The following DHX30 variants were observed in gnomAD, a reference collection of about 807,000 sequenced individuals.
DHX30 encodes the protein ATP-dependent RNA helicase DHX30.
A neutral mutation model predicts 116.9 loss-of-function variants in DHX30; 4 were observed. That is an observed-to-expected ratio of 0.03 (90% CI 0.02 to 0.08). The LOEUF (loss-of-function observed/expected upper bound fraction) is 0.08. Ranked by LOEUF, DHX30 falls within the 10% of genes least tolerant of loss-of-function variation. The pLI is 1.00. For missense variants in DHX30, 871 were observed against 1,595.1 expected (o/e 0.55, Z 7.73); for synonymous variants, 697 against 651.7 (o/e 1.07, Z -1.06).
intron 6 of DHX30, among the ~76,000 whole-genome samples, chr3:47,838,054 G>C (rs2037203970): frequency 1.3e-5 from 2 of 152,184 alleles, no homozygotes; most frequent in Non-Finnish European, 2.9e-5. Flanking sequence ...GTGCTGTCCT[G>C]CTGGGGAAGC....
At chr3:47,845,982 T>C in intron 10 of DHX30, 130 bp downstream of exon 10, 1 of 1,454,844 alleles carries the variant, frequency 6.9e-7, no homozygotes. Context: ...GGGCCTGGGA[T>C]CCCCCTGGCC....
At chr3:47,825,086 C>T (rs927455406) in intron 4 of DHX30, 100 of 670,832 alleles carry the variant, frequency 1.5e-4, no homozygotes, top group Non-Finnish European at 2.4e-4. Flanking sequence ...GGCATCTCTC[C>T]GCGCCTGCAG....
At position 47,809,234 on chromosome 3, in the gene DHX30, C is replaced by CTTTTTT. The variant is rs71070231; in HGVS notation, c.-27-1403_-27-1398dup. On this transcript the variant is annotated intron_variant, in intron 2 of 21. Transcript: ENST00000445061. ...AGAAGGTGTCTATGGAATGTAACTT[C>CTTTTTT]TTTTTTTTTTTTTTTTTTTTTTTTT... Among the ~76,000 whole-genome samples, 293 of 63,540 alleles carry CTTTTTT rather than the reference C, an allele frequency of 4.6e-3. 29 individuals are homozygous for CTTTTTT. The highest frequency in any genetic ancestry group is 5.1e-3 in the Non-Finnish European group (205 of 39,876). 41.7% of individuals were successfully genotyped at this position (63,540 alleles called of 152,430 possible). A position where few individuals can be genotyped will look rare whatever the true frequency, so the allele number is the denominator to read the frequency against.
chr3:47,825,055 A>G (rs775408126), intron 4 of DHX30: 2 of 661,232 alleles, frequency 3.0e-6, no homozygotes, highest in South Asian at 3.1e-5. Context: ...GGCCGCTAGG[A>G]GACTCATGGC....
chr3:47,819,257 C>T, intron 4 of DHX30: 1 of 1,367,732 alleles, frequency 7.3e-7, no homozygotes, highest in Non-Finnish European at 9.8e-7. Flanking sequence ...ACATTTCCAA[C>T]ATGGCAGGTG....
At chr3:47,816,577 C>T (rs994458075) in intron 3 of DHX30, 15 of 970,584 alleles carry the variant, frequency 1.5e-5, no homozygotes, top group South Asian at 4.8e-5. Context: ...AGGATGGTCT[C>T]GATCTCTTGA....
intron 4 of DHX30, chr3:47,822,080 A>C (rs1269891015): frequency 6.6e-6 from 1 of 152,216 alleles, no homozygotes; most frequent in Non-Finnish European, 1.5e-5. Flanking sequence ...TGTTCCAATA[A>C]AACTTTCTAA....
intron 6 of DHX30, among the ~76,000 whole-genome samples, chr3:47,831,914 A>C (rs2036870091): frequency 7.1e-6 from 1 of 141,830 alleles, no homozygotes; most frequent in South Asian, 2.2e-4. Context: ...TTCTCTCTGA[A>C]GGCCTTTTCC....
At chr3:47,841,975 T>C (rs2037395864) in intron 8 of DHX30, 1 of 549,996 alleles carries the variant, frequency 1.8e-6, no homozygotes, top group Non-Finnish European at 3.2e-6. Context: ...ATACCTCTTC[T>C]GGGCGGTGGA....
Position 47,847,129 on chromosome 3 carries a change from C to G in DHX30, c.1929+128C>G, listed in dbSNP as rs762585430. 34 of 1,476,912 alleles carry G rather than the reference C, an allele frequency of 2.3e-5. No homozygotes were observed. The highest frequency in any genetic ancestry group is 1.8e-4 in the Middle Eastern group (1 of 5,484). The allele number at this position is 1,476,912 out of a possible 1,614,324, so 91.5% of individuals were successfully genotyped here. On this transcript the variant is annotated intron_variant, in intron 11 of 21. Transcript: ENST00000445061. This position sits in a 1 kb window ranked among gnomAD's most constrained non-coding sequence, Gnocchi z 5.5. Reference sequence around the variant, plus strand: ...CAGTCCTCGGTTTCCTTGATAGAAACTGGGGACTAACCCTGCCTGCGTGGC... The same window carrying G: ...CAGTCCTCGGTTTCCTTGATAGAAAGTGGGGACTAACCCTGCCTGCGTGGC...
rs2036679640 is a variant in DHX30 at position 47,828,979 on chromosome 3, A to G, written c.256-45A>G. 5 of 1,211,474 alleles carry G rather than the reference A, an allele frequency of 4.1e-6. No homozygotes were observed. In the East Asian group the frequency reaches 7.1e-5, roughly 17 times the overall value. The allele number at this position is 1,211,474 out of a possible 1,614,324, so 75.0% of individuals were successfully genotyped here. On this transcript the variant is annotated intron_variant, in intron 5 of 21. Coordinates refer to ENST00000445061, the MANE Select transcript of DHX30 (RefSeq NM_138615.3). The stretch of plus-strand genomic sequence containing the variant: ...TTTCCATGTAATTTGCAACAACTCT[A>G]GTCTGGAGTGGCAAGACTTCTGATT...
At chr3:47,807,169 G>T (rs1337066183) in intron 2 of DHX30, among the ~76,000 whole-genome samples, 1 of 151,740 alleles carries the variant, frequency 6.6e-6, no homozygotes. Flanking sequence ...TCATGCCATT[G>T]CACTCCAGCC....
At chr3:47,820,418 C>A (rs903968550) in intron 4 of DHX30, among the ~76,000 whole-genome samples, 1 of 152,170 alleles carries the variant, frequency 6.6e-6, no homozygotes, top group Admixed American at 6.5e-5. Flanking sequence ...GCTCCTCTTA[C>A]CCGTCTCCTT....
rs1559702927 is a variant in DHX30 at position 47,829,306 on chromosome 3, ATATATATATT to A, written c.366+174_366+183del. On this transcript the variant is annotated intron_variant, in intron 6 of 21. Coordinates refer to ENST00000445061, the MANE Select transcript of DHX30 (RefSeq NM_138615.3). ...CAATGAGATATATATATATATATAT[ATATATATATT>A]TTTTTTTTTTTTTTCCTGTGTTTTT... is the stretch of plus-strand genomic sequence containing the variant. Among the ~76,000 whole-genome samples the A allele has an allele frequency of 9.0e-5, 3 of 33,454 alleles. 1 individual carries two copies. Among genetic ancestry groups the A allele is most frequent in the African/African-American group, 2.5e-4 (3 of 11,972 alleles). 21.9% of individuals were successfully genotyped at this position (33,454 alleles called of 152,430 possible).
chr3:47,816,489 C>CT (rs1559691149), intron 3 of DHX30: 2 of 949,534 alleles, frequency 2.1e-6, no homozygotes, highest in Middle Eastern at 5.4e-4. Context: ...TCCTGAGTAG[C>CT]TGGGACTACA....
chr3:47,848,040 C>T lies in DHX30; in HGVS notation c.2286+84C>T. The T allele has an allele frequency of 9.4e-6, 15 of 1,589,636 alleles. No homozygotes were observed. The South Asian group carries it at 1.7e-4, about 18-fold the overall frequency. ...GTCCCCAGCCCAGATCTACCTTAGA[C>T]CTGCTTTGTGTGTCTTCAGAAGGCC... On this transcript the variant is annotated intron_variant, in intron 14 of 21. Transcript: ENST00000445061. This position sits in a 1 kb window ranked among gnomAD's most constrained non-coding sequence, Gnocchi z 9.4.
chr3:47,806,073 C>A (rs1463361326), intron 2 of DHX30, among the ~76,000 whole-genome samples: 3 of 151,934 alleles, frequency 2.0e-5, no homozygotes, highest in African/African-American at 7.3e-5. Flanking sequence ...CTCACTGCAA[C>A]CTCCACCTCC....
At chr3:47,803,548 C>CAA (rs34338515) in intron 1 of DHX30, among the ~76,000 whole-genome samples, 4 of 152,002 alleles carry the variant, frequency 2.6e-5, no homozygotes, top group African/African-American at 9.6e-5. Context: ...GCCTTCGCCT[C>CAA]GGGATGCGCC....
chr3:47,818,857 C>T (rs1277104695), intron 4 of DHX30, among the ~76,000 whole-genome samples: 2 of 152,158 alleles, frequency 1.3e-5, no homozygotes, highest in Non-Finnish European at 2.9e-5. Context: ...CTTTTCTGCC[C>T]CATAGGCTGC....
Sources: gnomAD v4.1 joint callset for allele counts (sites outside exome capture counted in the v4.1 genomes callset) on GRCh38, gnomAD v4.1.1 for gene constraint, Gnocchi (gnomAD v3.1) non-coding constraint, MANE v1.5 for transcripts, NCBI Gene and HGNC (gene_info 2026-07-23, HGNC 2026-07-21) for gene names.